GARIN2: variants seen among roughly 807,000 people sequenced by gnomAD.
The protein encoded by GARIN2 is golgi associated RAB2 interactor family member 2.
At chr14:67,193,467 C>G in the GARIN2 span, among the ~76,000 whole-genome samples, 2 of 138,782 alleles carry the variant, frequency 1.4e-5, no homozygotes, top group African/African-American at 5.2e-5. Context: ...ATCTAGATAT[C>G]TAGATATCTA....
At chr14:67,225,681 T>C in the GARIN2 span, among the ~76,000 whole-genome samples, 3 of 152,228 alleles carry the variant, frequency 2.0e-5, no homozygotes, top group Non-Finnish European at 4.4e-5. Flanking sequence ...TGTACAGTTA[T>C]GTAGCTTGTA....
the GARIN2 span, among the ~76,000 whole-genome samples, chr14:67,218,700 A>G: frequency 6.6e-6 from 1 of 152,018 alleles, no homozygotes; most frequent in African/African-American, 2.4e-5. Flanking sequence ...ACTGCGGAAC[A>G]GTTTCTTTGT....
the GARIN2 span, chr14:67,204,630 A>T: frequency 6.2e-7 from 1 of 1,613,732 alleles, no homozygotes; most frequent in South Asian, 1.1e-5. Flanking sequence ...CCTACTACTT[A>T]CAGCTCTGCA....
the GARIN2 span, chr14:67,221,637 A>T: frequency 4.0e-6 from 5 of 1,237,970 alleles, no homozygotes; most frequent in South Asian, 6.1e-5. Flanking sequence ...ATAATCAGCA[A>T]TGGCCTAGGT....
the GARIN2 span, among the ~76,000 whole-genome samples, chr14:67,215,550 A>G: frequency 6.6e-6 from 1 of 152,124 alleles, no homozygotes; most frequent in African/African-American, 2.4e-5. Flanking sequence ...GTGAGAGTAA[A>G]GTAGGAAGAG....
chr14:67,189,747 A>C, the GARIN2 span: 1 of 152,252 alleles, frequency 6.6e-6, no homozygotes, highest in African/African-American at 2.4e-5. Context: ...CGAGAGACTT[A>C]ACACCTGGTG....
At chr14:67,211,289 G>A in the GARIN2 span, among the ~76,000 whole-genome samples, 1 of 152,072 alleles carries the variant, frequency 6.6e-6, no homozygotes, top group African/African-American at 2.4e-5. Flanking sequence ...GAGAGAGGAA[G>A]ATAGGTTCAA....
chr14:67,199,849 C>T, the GARIN2 span: 95 of 1,492,712 alleles, frequency 6.4e-5, no homozygotes, highest in Middle Eastern at 2.0e-4. Context: ...CCATGCCCCA[C>T]CACCTATGCC....
At chr14:67,222,839 G>C in the GARIN2 span, among the ~76,000 whole-genome samples, 1 of 151,752 alleles carries the variant, frequency 6.6e-6, no homozygotes, top group Non-Finnish European at 1.5e-5. Context: ...CATTTAACTT[G>C]GCATAAGTGA....
the GARIN2 span, among the ~76,000 whole-genome samples, chr14:67,226,095 G>A: frequency 6.6e-6 from 1 of 152,196 alleles, no homozygotes; most frequent in Admixed American, 6.5e-5. Context: ...CTTGCTGATG[G>A]AATCAAGGTG....
At chr14:67,223,661 T>C in the GARIN2 span, 1 of 890,350 alleles carries the variant, frequency 1.1e-6, no homozygotes, top group South Asian at 5.2e-5. Context: ...TTCCACAAAG[T>C]ATTAATTATT....
At chr14:67,199,339 C>T in the GARIN2 span, 1 of 1,613,996 alleles carries the variant, frequency 6.2e-7, no homozygotes, top group African/African-American at 1.3e-5. Context: ...CAGCTCACAA[C>T]AAAAACCTGG....
chr14:67,204,945 G>A, the GARIN2 span: 1 of 1,610,580 alleles, frequency 6.2e-7, no homozygotes, highest in Non-Finnish European at 8.5e-7. Context: ...AGGTCCCAGA[G>A]GTCCCGGATG....
At chr14:67,227,739 A>T in the GARIN2 span, 1 of 152,216 alleles carries the variant, frequency 6.6e-6, no homozygotes, top group Non-Finnish European at 1.5e-5. Context: ...TAGCAGGTAT[A>T]GAATTTTAAT....
chr14:67,216,006 C>T, the GARIN2 span, among the ~76,000 whole-genome samples: 28 of 152,080 alleles, frequency 1.8e-4, no homozygotes, highest in African/African-American at 4.3e-4. Flanking sequence ...TTATTTTTTG[C>T]GTGCAGTTTT....
At chr14:67,196,744 C>A in the GARIN2 span, 2 of 152,204 alleles carry the variant, frequency 1.3e-5, no homozygotes, top group Non-Finnish European at 2.9e-5. Flanking sequence ...TGGTTCCACT[C>A]ACCAAAAGAC....
At chr14:67,191,852 T>A in the GARIN2 span, among the ~76,000 whole-genome samples, 3 of 152,236 alleles carry the variant, frequency 2.0e-5, no homozygotes, top group Admixed American at 6.5e-5. Context: ...CTCTTTTCTT[T>A]TACTAAAAGT....
At chr14:67,195,713 TTGTGTGTGTGTGTGTGTGTG>T in the GARIN2 span, among the ~76,000 whole-genome samples, 4 of 143,344 alleles carry the variant, frequency 2.8e-5, no homozygotes, top group South Asian at 2.3e-4. Context: ...TTCTTTTTGG[TTGTGTGTGTGTGTGTGTGTG>T]TGTGTGTGTG....
the GARIN2 span, among the ~76,000 whole-genome samples, chr14:67,228,169 CAAAAA>C: frequency 3.1e-5 from 2 of 64,152 alleles, no homozygotes; most frequent in East Asian, 4.6e-4. Context: ...GACTTTGTCT[CAAAAA>C]AAAAAAAAAA....
Sources: allele counts gnomAD v4.1 joint callset (sites outside exome capture counted in the v4.1 genomes callset), GRCh38; gene constraint gnomAD v4.1.1; transcripts MANE v1.5; gene names NCBI Gene and HGNC (gene_info 2026-07-23, HGNC 2026-07-21).